CCDC27: variants seen among roughly 807,000 people sequenced by gnomAD.
The protein encoded by CCDC27 is coiled-coil domain containing 27.
In CCDC27, 80 loss-of-function variants were observed where a neutral mutation model predicts 80.3. The observed-to-expected ratio is 1.00, with a 90% CI of 0.83 to 1.20. The LOEUF is 1.20. Among genes scored for constraint, CCDC27 ranks in the 50% most tolerant of loss-of-function variants. The probability of loss-of-function intolerance (pLI) is 0.00; values close to 1 mark genes in which losing one functional copy is unlikely to be tolerated. For missense variants in CCDC27, 815 were observed against 809.4 expected (o/e 1.01, Z -0.08); for synonymous variants, 342 against 334.3 (o/e 1.02, Z -0.25).
In CCDC27 at chr1:3,771,394, T is replaced by C. The variant is rs768863802; in HGVS notation, c.1849-7T>C. On this transcript the variant is annotated splice_polypyrimidine_tract_variant and splice_region_variant and intron_variant, in intron 11 of 11. Coordinates refer to ENST00000294600, the MANE Select transcript of CCDC27 (RefSeq NM_152492.3). ...AGGCCACCTCGACGGCTGTGTTTCT[T>C]GTGTAGAGAATTATCTCAGAGAGAA... 10 of 1,613,712 alleles carry C rather than the reference T, an allele frequency of 6.2e-6. No individual in the cohort carries two copies. Among genetic ancestry groups the C allele is most frequent in the Non-Finnish European group, 5.9e-6 (7 of 1,179,870 alleles).
At chr1:3,757,484 A>G (rs1642985806) in intron 4 of CCDC27, among the ~76,000 whole-genome samples, 1 of 151,778 alleles carries the variant, frequency 6.6e-6, no homozygotes, top group Admixed American at 6.6e-5. Flanking sequence ...TCTGTCACCC[A>G]GGCTGGAGTG....
rs1352598901 is a variant in CCDC27 at position 3,752,774 on chromosome 1, C to T, written c.293C>T (p.Thr98Ile). ...KPRTLSKSVQ[T>I]ISRYYRKTSE... ...CGCACGCTCAGCAAGTCGGTCCAGA[C>T]CATCAGCCGCTACTACAGGAAGACG... Residue 98 changes from threonine to isoleucine, a missense_variant, in exon 1 of 12, where the codon ACC (threonine) becomes ATC (isoleucine). Transcript: ENST00000294600. The T allele has an allele frequency of 1.2e-6, 2 of 1,612,908 alleles. No homozygotes were observed. Among genetic ancestry groups the T allele is most frequent in the Admixed American group, 1.7e-5 (1 of 60,010 alleles).
At chr1:3,758,423 T>C (rs567606982) in intron 4 of CCDC27, among the ~76,000 whole-genome samples, 1 of 151,930 alleles carries the variant, frequency 6.6e-6, no homozygotes, top group East Asian at 2.0e-4. Context: ...CTTGACTTCG[T>C]GATCTACCCA....
intron 1 of CCDC27, among the ~76,000 whole-genome samples, chr1:3,753,029 G>A (rs1043215952): frequency 5.3e-5 from 8 of 152,178 alleles, no homozygotes; most frequent in African/African-American, 1.7e-4. Context: ...ACATGCCACC[G>A]GCTTCTTCTG....
Position 3,767,238 on chromosome 1 carries a change from G to C in CCDC27, c.1536G>C (p.Val512=), listed in dbSNP as rs767773637. The change falls in exon 10 of 12, where the codon GTG becomes GTC. Residue 512 remains valine, a synonymous_variant. Coordinates refer to ENST00000294600, the MANE Select transcript of CCDC27 (RefSeq NM_152492.3). ...TTCTCCCCGGCTGTCCCCAGCAAGTGTCGGAACTGGAGAGAAAGCTCACCA... is the reference window on the plus strand; with the variant it reads ...TTCTCCCCGGCTGTCCCCAGCAAGTCTCGGAACTGGAGAGAAAGCTCACCA... ...EKDNQLLRQQ[V]SELERKLTKR... 6.2e-7 allele frequency: 1 copy of C among 1,613,966 alleles called. No individual in the cohort carries two copies. Among genetic ancestry groups the C allele is most frequent in the Non-Finnish European group, 8.5e-7 (1 of 1,179,962 alleles).
rs1288170790 is a variant in CCDC27 at position 3,766,307 on chromosome 1, C to T, written c.1453-228C>T. ...GCTTATTTTCTGCTTTTCCTACTGC[C>T]GGCTATTTGGCTTTCTTGGATCTGG... On this transcript the variant is annotated intron_variant, in intron 8 of 11. Transcript: ENST00000294600. This position sits in a 1 kb window ranked among gnomAD's most constrained non-coding sequence, Gnocchi z 6.1. Among the ~76,000 whole-genome samples, 7 of 152,132 alleles carry T rather than the reference C, an allele frequency of 4.6e-5. No individual in the cohort carries two copies. In the South Asian group the frequency reaches 6.2e-4, roughly 14 times the overall value.
intron 4 of CCDC27, among the ~76,000 whole-genome samples, chr1:3,758,761 AT>A (rs1294335410): frequency 2.6e-5 from 4 of 151,862 alleles, no homozygotes; most frequent in South Asian, 2.1e-4. Context: ...ATGCCCATTA[AT>A]TTTTTTCGTT....
rs1237053031 is a variant in CCDC27 at position 3,763,860 on chromosome 1, C to G, written c.1452+24C>G. 1 of 1,610,858 alleles carries G rather than the reference C, an allele frequency of 6.2e-7. No homozygotes were observed. The highest frequency in any genetic ancestry group is 1.3e-5 in the African/African-American group (1 of 74,940). On this transcript the variant is annotated intron_variant, in intron 8 of 11. Transcript: ENST00000294600. This position sits in a 1 kb window ranked among gnomAD's most constrained non-coding sequence, Gnocchi z 7.5. The stretch of plus-strand genomic sequence containing the variant: ...AGGTGGCCGTGCGCTCAGTACCGGC[C>G]TCCGCTCCATGAGCATGGGCCCCAG...
At position 3,768,499 on chromosome 1, in the gene CCDC27, G is replaced by A. The variant is rs894452559; in HGVS notation, c.1743+1054G>A. On this transcript the variant is annotated intron_variant, in intron 10 of 11. Transcript: ENST00000294600. This position sits in a 1 kb window ranked among gnomAD's most constrained non-coding sequence, Gnocchi z 5.6. ...GAAATGCCAACTGCAACTCAACTGC[G>A]TCCTCTTTCCTGCTTGAGTCCACCT... is the stretch of plus-strand genomic sequence containing the variant. Among the ~76,000 whole-genome samples the A allele has an allele frequency of 3.3e-5, 5 of 152,136 alleles. No individual in the cohort carries two copies. Among genetic ancestry groups the A allele is most frequent in the South Asian group, 2.1e-4 (1 of 4,826 alleles).
At chr1:3,762,248 T>C (rs1028220082) in intron 5 of CCDC27, among the ~76,000 whole-genome samples, 114 of 152,158 alleles carry the variant, frequency 7.5e-4, no homozygotes, top group African/African-American at 2.6e-3. Context: ...CAGGGAAAGG[T>C]GGCCAGCCGG....
chr1:3,757,318 C>T (rs1310370462), intron 4 of CCDC27: 2 of 152,234 alleles, frequency 1.3e-5, no homozygotes, highest in Non-Finnish European at 1.5e-5. Context: ...TCTTATAATT[C>T]CGTCATCAAA....
At position 3,766,837 on chromosome 1, in the gene CCDC27, CT is replaced by C. The variant is rs34635257; in HGVS notation, c.1530+247del. Among the ~76,000 whole-genome samples, 2,321 of 105,418 alleles carry C rather than the reference CT, an allele frequency of 0.022. 9 individuals carry two copies. The highest frequency in any genetic ancestry group is 0.053 in the Middle Eastern group (9 of 170). The allele number at this position is 105,418 out of a possible 152,430, so 69.2% of individuals were successfully genotyped here. A position where few individuals can be genotyped will look rare whatever the true frequency, so the allele number is the denominator to read the frequency against. On this transcript the variant is annotated intron_variant, in intron 9 of 11. Transcript: ENST00000294600. This position sits in a 1 kb window ranked among gnomAD's most constrained non-coding sequence, Gnocchi z 6.1. Reference sequence around the variant, plus strand: ...AGGGACCCAGCAAGCGTTCCCAGTCCTTTTTTTTTTTTTTTTTTTTTTGAGA... The same window carrying C: ...AGGGACCCAGCAAGCGTTCCCAGTCCTTTTTTTTTTTTTTTTTTTTTGAGA...
chr1:3,760,984 G>A lies in CCDC27; in HGVS notation c.712-297G>A, dbSNP rs2124593201. Among the ~76,000 whole-genome samples the A allele has an allele frequency of 6.6e-6, 1 of 152,274 alleles. No individual in the cohort carries two copies. The highest frequency in any genetic ancestry group is 2.1e-4 in the South Asian group (1 of 4,828). On this transcript the variant is annotated intron_variant, in intron 4 of 11. Coordinates refer to ENST00000294600, the MANE Select transcript of CCDC27 (RefSeq NM_152492.3). This position sits in a 1 kb window ranked among gnomAD's most constrained non-coding sequence, Gnocchi z 4.3. ...GGTGCAGGGACACACCACGGGCCAG[G>A]TCCGAAAGGGAAGCTGCCTTGCAAC... is the stretch of plus-strand genomic sequence containing the variant.
chr1:3,758,142 CT>C (rs2124591722), intron 4 of CCDC27, among the ~76,000 whole-genome samples: 1 of 152,212 alleles, frequency 6.6e-6, no homozygotes, highest in South Asian at 2.1e-4. Context: ...CCATTGAAGG[CT>C]TCTGTGTCTG....
rs778709009 is a variant in CCDC27, at chr1:3,763,701, C to A, written c.1322-5C>A. 1.1e-5 allele frequency: 17 copies of A among 1,614,064 alleles called. No homozygotes were observed. In the Admixed American group the frequency reaches 2.0e-4, roughly 19 times the overall value. ...CCTGCTCACCGCCTCTGCCTCTGTG[C>A]CCAGGAGTGATTGCGTCTTTACAAC... On this transcript the variant is annotated splice_region_variant and splice_polypyrimidine_tract_variant and intron_variant, in intron 7 of 11. Coordinates refer to ENST00000294600, the MANE Select transcript of CCDC27 (RefSeq NM_152492.3). This position sits in a 1 kb window ranked among gnomAD's most constrained non-coding sequence, Gnocchi z 7.5.
chr1:3,765,574 T>C (rs1267277119), intron 8 of CCDC27, among the ~76,000 whole-genome samples: 2 of 152,254 alleles, frequency 1.3e-5, no homozygotes, highest in East Asian at 3.8e-4. Context: ...TATTTTACTC[T>C]GATGTTCTCT....
At chr1:3,757,152 T>C in intron 4 of CCDC27, 1 of 335,322 alleles carries the variant, frequency 3.0e-6, no homozygotes, top group Non-Finnish European at 5.6e-6. Context: ...CGTCCACACA[T>C]CTTTGCACCC....
At chr1:3,753,028 C>T (rs1452135603) in intron 1 of CCDC27, among the ~76,000 whole-genome samples, 4 of 152,216 alleles carry the variant, frequency 2.6e-5, no homozygotes, top group African/African-American at 7.2e-5. Context: ...CACATGCCAC[C>T]GGCTTCTTCT....
At position 3,767,478 on chromosome 1, in the gene CCDC27, C is replaced by T. The variant is rs757000278; in HGVS notation, c.1743+33C>T. 4 of 1,571,752 alleles carry T rather than the reference C, an allele frequency of 2.5e-6. No homozygotes were observed. The African/African-American group carries it at 4.0e-5, about 16-fold the overall frequency. On this transcript the variant is annotated intron_variant, in intron 10 of 11. Coordinates refer to ENST00000294600, the MANE Select transcript of CCDC27 (RefSeq NM_152492.3). ...CAGCCCTTCCTCCTGAGGGTCTGTC[C>T]CAGCAGCTGGCGGCCGAGCACCCAG...
Sources: allele counts gnomAD v4.1 joint callset (sites outside exome capture counted in the v4.1 genomes callset), GRCh38; gene constraint gnomAD v4.1.1; non-coding constraint Gnocchi (gnomAD v3.1); transcripts MANE v1.5; gene names NCBI Gene and HGNC (gene_info 2026-07-23, HGNC 2026-07-21).